Variants in COG6 observed in about 807,000 individuals in gnomAD.
COG6 encodes the protein conserved oligomeric Golgi complex subunit 6.
COG6 carries 74 observed loss-of-function variants against 88.8 expected under a neutral mutation model. The ratio of observed to expected loss-of-function variants is 0.83; its 90% CI spans 0.69 to 1.01. The LOEUF (loss-of-function observed/expected upper bound fraction) is 1.01, where lower values mean the gene tolerates loss of function less well. COG6 is among the 50% of genes least tolerant of loss of function. The pLI is 0.00. For synonymous variants in COG6, 286 were observed against 278.7 expected (o/e 1.03, Z -0.26); for missense variants, 800 against 797.9 (o/e 1.00, Z -0.03).
chr13:39,775,666 G>C (rs914873234), intron 18 of COG6, among the ~76,000 whole-genome samples: 2 of 151,954 alleles, frequency 1.3e-5, no homozygotes, highest in Non-Finnish European at 2.9e-5. Flanking sequence ...TTTTCATGTA[G>C]TTTTACATTT....
intron 18 of COG6, among the ~76,000 whole-genome samples, chr13:39,786,527 A>T (rs1242694314): frequency 1.3e-5 from 2 of 152,198 alleles, no homozygotes; most frequent in African/African-American, 4.8e-5. Context: ...GAAAATGACA[A>T]CCCCAGTAGG....
chr13:39,752,536 A>T lies in COG6; in HGVS notation c.*1443A>T, dbSNP rs772109615. The T allele has an allele frequency of 3.4e-4, 415 of 1,228,184 alleles. No individual in the cohort carries two copies. The highest frequency in any genetic ancestry group is 4.3e-4 in the Non-Finnish European group (401 of 941,590). 76.1% of individuals were successfully genotyped at this position (1,228,184 alleles called of 1,614,324 possible). ...TAATTTATTTCTACAGAGAAAGAAGATTGATACCTTGCTATGAGTGAATTC... is the reference window on the plus strand; with the variant it reads ...TAATTTATTTCTACAGAGAAAGAAGTTTGATACCTTGCTATGAGTGAATTC... On this transcript the variant is annotated 3_prime_UTR_variant, in exon 19 of 19. Transcript: ENST00000455146.
Position 39,727,555 on chromosome 13 carries a change from A to G in COG6, c.1826+7A>G. ...TTCTAAGTGCCACAGTGAAGTAAGTATTTTTGGTCCCAAGTAGTTGGTAAA... is the reference window on the plus strand; with the variant it reads ...TTCTAAGTGCCACAGTGAAGTAAGTGTTTTTGGTCCCAAGTAGTTGGTAAA... On this transcript the variant is annotated splice_region_variant and intron_variant, in intron 18 of 18. Transcript: ENST00000455146. 2 of 1,603,790 alleles carry G rather than the reference A, an allele frequency of 1.2e-6. No individual in the cohort carries two copies. Among genetic ancestry groups the G allele is most frequent in the African/African-American group, 1.3e-5 (1 of 74,850 alleles).
intron 4 of COG6, among the ~76,000 whole-genome samples, chr13:39,666,805 A>G (rs1008413306): frequency 2.0e-5 from 3 of 152,238 alleles, no homozygotes; most frequent in Non-Finnish European, 4.4e-5. Flanking sequence ...TTATAAAAAC[A>G]TTGAGAAAAT....
At chr13:39,700,731 C>A (rs1360045371) in intron 13 of COG6, among the ~76,000 whole-genome samples, 3 of 151,810 alleles carry the variant, frequency 2.0e-5, no homozygotes, top group Non-Finnish European at 4.4e-5. Context: ...CCAAATAAGT[C>A]TGGTTATTAT....
intron 4 of COG6, among the ~76,000 whole-genome samples, chr13:39,672,688 A>G (rs986854094): frequency 7.9e-5 from 12 of 152,104 alleles, no homozygotes; most frequent in South Asian, 2.1e-4. Context: ...GACTATTGCA[A>G]ATAATGCTGG....
rs764853040 is a variant in COG6 at position 39,665,134 on chromosome 13, C to T, written c.408C>T (p.Thr136=). 3.3e-6 allele frequency: 5 copies of T among 1,532,776 alleles called. No homozygotes were observed. In the African/African-American group the frequency reaches 6.8e-5, roughly 21 times the overall value. The allele number at this position is 1,532,776 out of a possible 1,614,324, so 94.9% of individuals were successfully genotyped here. ...KEQTQDLIVK[T]TKLQSESQKL... ...AGACTCAAGATTTAATAGTAAAAAC[C>T]ACTAAGCTTCAATCTGAAAGGTAAG... The change falls in exon 4 of 19, where the codon ACC becomes ACT. Residue 136 remains threonine, a synonymous_variant. Transcript: ENST00000455146.
intron 16 of COG6, among the ~76,000 whole-genome samples, chr13:39,723,977 G>A (rs138704297): frequency 2.0e-5 from 3 of 152,008 alleles, no homozygotes; most frequent in South Asian, 2.1e-4. Context: ...AGGAGTGGTG[G>A]GAACCTTAGA....
chr13:39,777,739 T>C (rs1177611237), intron 18 of COG6, among the ~76,000 whole-genome samples: 11 of 152,166 alleles, frequency 7.2e-5, no homozygotes, highest in Admixed American at 7.2e-4. Flanking sequence ...AAATTACTCA[T>C]CATGTGCCTT....
intron 18 of COG6, among the ~76,000 whole-genome samples, chr13:39,781,091 C>T (rs1056165065): frequency 6.6e-6 from 1 of 152,158 alleles, no homozygotes; most frequent in African/African-American, 2.4e-5. Context: ...CAACTCCTCT[C>T]CCCTTCTTAA....
intron 3 of COG6, among the ~76,000 whole-genome samples, chr13:39,661,545 G>GT (rs1331834483): frequency 4.6e-5 from 7 of 152,070 alleles, no homozygotes; most frequent in Non-Finnish European, 1.0e-4. Flanking sequence ...ATTAATCACA[G>GT]GCTACTTGCA....
chr13:39,687,589 G>A lies in COG6; in HGVS notation c.875G>A (p.Gly292Asp). 1 of 1,613,794 alleles carries A rather than the reference G, an allele frequency of 6.2e-7. No homozygotes were observed. Among genetic ancestry groups the A allele is most frequent in the Admixed American group, 1.7e-5 (1 of 59,960 alleles). ...IDALTRGGPG[G>D]TPRPIEMHSH... Reference sequence around the variant, plus strand: ...GCGCTCACAAGAGGGGGCCCCGGAGGTACACCTAGACCAATTGAAATGCAT... The same window carrying A: ...GCGCTCACAAGAGGGGGCCCCGGAGATACACCTAGACCAATTGAAATGCAT... Residue 292 changes from glycine to aspartate, a missense_variant, in exon 9 of 19, where the codon GGT becomes GAT. Physicochemically the swap from Gly to Asp is moderately conservative, Grantham distance 94. Coordinates refer to ENST00000455146, the MANE Select transcript of COG6 (RefSeq NM_020751.3).
exon 19 of COG6, chr13:39,790,681 TAAG>T (rs1881913323): frequency 6.6e-6 from 1 of 152,088 alleles, no homozygotes; most frequent in Non-Finnish European, 1.5e-5. Context: ...TATATTGACT[TAAG>T]GAGAACTGAC....
At chr13:39,756,325 G>A (rs3012150), downstream of COG6, among the ~76,000 whole-genome samples, 151,600 of 152,076 alleles carry the variant, frequency 1, 75,566 homozygotes, top group Non-Finnish European at 1. Flanking sequence ...AGGTGGGTCA[G>A]TTGAGATGTT....
intron 3 of COG6, among the ~76,000 whole-genome samples, chr13:39,662,563 A>G (rs1874976486): frequency 6.6e-6 from 1 of 152,224 alleles, no homozygotes; most frequent in Admixed American, 6.5e-5. Context: ...CATCCATTCA[A>G]AGTGTTCAAA....
chr13:39,786,166 C>G (rs1237281248), intron 18 of COG6, among the ~76,000 whole-genome samples: 1 of 152,134 alleles, frequency 6.6e-6, no homozygotes, highest in Admixed American at 6.5e-5. Flanking sequence ...TATATGAACC[C>G]TAGTGAGAAG....
At chr13:39,742,149 A>T (rs1299286878) in intron 18 of COG6, among the ~76,000 whole-genome samples, 1 of 152,220 alleles carries the variant, frequency 6.6e-6, no homozygotes, top group African/African-American at 2.4e-5. Context: ...CTGCAAAAAC[A>T]TGCCGAACTG....
chr13:39,679,456 G>C, intron 5 of COG6, 82 bp from the exon 6 acceptor site: 1 of 797,608 alleles, frequency 1.3e-6, no homozygotes, highest in East Asian at 2.5e-5. Context: ...GAGTTTGTTT[G>C]CCCTTGGTAG....
At chr13:39,688,335 A>G (rs1232455083) in intron 10 of COG6, among the ~76,000 whole-genome samples, 2 of 152,160 alleles carry the variant, frequency 1.3e-5, no homozygotes, top group Admixed American at 6.5e-5. Context: ...TTGGTAACCT[A>G]TAAAGAGGTT....
Sources: gnomAD v4.1 joint callset for allele counts (sites outside exome capture counted in the v4.1 genomes callset) on GRCh38, gnomAD v4.1.1 for gene constraint, MANE v1.5 for transcripts, NCBI Gene and HGNC (gene_info 2026-07-23, HGNC 2026-07-21) for gene names.